The following RSF1 variants were observed in gnomAD, a reference collection of about 807,000 sequenced individuals.
RSF1 encodes remodeling and spacing factor 1.
RSF1 carries 13 observed loss-of-function variants against 145.2 expected under a neutral mutation model. The observed-to-expected ratio is 0.09, with a 90% confidence interval of 0.06 to 0.14. The LOEUF is 0.14. Among genes scored for constraint, RSF1 ranks in the 10% least tolerant of loss-of-function variants. RSF1 has a pLI of 1.00. For missense variants in RSF1, 1,517 were observed against 1,718.2 expected (o/e 0.88, Z 2.07); for synonymous variants, 577 against 592.6 (o/e 0.97, Z 0.38).
chr11:77,805,163 T>C (rs995978499), intron 1 of RSF1, among the ~76,000 whole-genome samples: 6 of 152,200 alleles, frequency 3.9e-5, no homozygotes, highest in Admixed American at 3.9e-4. Flanking sequence ...AACCTTTTTT[T>C]TGCAAATAAA....
At chr11:77,770,883 A>G (rs1266133365) in intron 1 of RSF1, among the ~76,000 whole-genome samples, 2 of 152,192 alleles carry the variant, frequency 1.3e-5, no homozygotes, top group Non-Finnish European at 1.5e-5. Context: ...CAAGGCCTCT[A>G]TAAGATGAAG....
chr11:77,715,578 G>T (rs534366715), intron 5 of RSF1, among the ~76,000 whole-genome samples: 13 of 152,216 alleles, frequency 8.5e-5, no homozygotes, highest in African/African-American at 2.9e-4. Context: ...TTCCCAAGTA[G>T]CTGGGATTAC....
intron 1 of RSF1, among the ~76,000 whole-genome samples, chr11:77,797,007 A>G (rs1156893037): frequency 6.6e-6 from 1 of 152,254 alleles, no homozygotes; most frequent in African/African-American, 2.4e-5. Context: ...AGGCAATAAG[A>G]GAGGACACAA....
At chr11:77,684,551 C>G (rs866330354) in intron 10 of RSF1, among the ~76,000 whole-genome samples, 1 of 152,128 alleles carries the variant, frequency 6.6e-6, no homozygotes, top group South Asian at 2.1e-4. Flanking sequence ...AAAACATACT[C>G]CAAAGGTAAA....
At chr11:77,722,401 C>A (rs776104376) in intron 5 of RSF1, among the ~76,000 whole-genome samples, 1 of 152,038 alleles carries the variant, frequency 6.6e-6, no homozygotes, top group Non-Finnish European at 1.5e-5. Context: ...AAAATATGGT[C>A]CTCTAACCAG....
rs1386128396 is a variant in RSF1, at chr11:77,820,691, C to T, written c.24G>A (p.Ala8=). 6.5e-7 allele frequency: 1 copy of T among 1,550,090 alleles called. No individual in the cohort carries two copies. The highest frequency in any genetic ancestry group is 2.0e-5 in the Admixed American group (1 of 50,668). ...GGCAGCCCGGAGGAGCCATCACCGC[C>T]GCCGCTGCCGCCGCCGTCGCCATTT... MATAAAA[A]AVMAPPGCPG... The change falls in exon 1 of 16, where the codon GCG becomes GCA. Residue 8 remains alanine, a synonymous_variant. Transcript: ENST00000308488.
At chr11:77,671,515 T>C (rs1590820967) in intron 15 of RSF1, among the ~76,000 whole-genome samples, 1 of 152,016 alleles carries the variant, frequency 6.6e-6, no homozygotes, top group Non-Finnish European at 1.5e-5. Flanking sequence ...CTAGTTTCAA[T>C]GAAAATTTAA....
chr11:77,745,764 T>C lies in RSF1; in HGVS notation c.372+1272A>G, dbSNP rs565983637. Among the ~76,000 whole-genome samples, 215 of 151,536 alleles carry C rather than the reference T, an allele frequency of 1.4e-3. 1 individual carries two copies. The highest frequency in any genetic ancestry group is 5.0e-3 in the African/African-American group (205 of 41,288). On this transcript the variant is annotated intron_variant, in intron 3 of 15. Transcript: ENST00000308488. ...TGTTATGTATTTTGTATGATTAGGGTATAAGTCAGATTTCTTCCTATCTCT... is the reference window on the plus strand; with the variant it reads ...TGTTATGTATTTTGTATGATTAGGGCATAAGTCAGATTTCTTCCTATCTCT...
At chr11:77,853,502 T>C in the RSF1 span, among the ~76,000 whole-genome samples, 7 of 152,208 alleles carry the variant, frequency 4.6e-5, no homozygotes, top group Non-Finnish European at 8.8e-5. Flanking sequence ...AGGGGGATAT[T>C]GGCCCCATGA....
intron 4 of RSF1, among the ~76,000 whole-genome samples, chr11:77,732,632 G>A (rs1961235356): frequency 1.3e-5 from 2 of 152,156 alleles, no homozygotes; most frequent in African/African-American, 4.8e-5. Flanking sequence ...GTGAGTGAAT[G>A]AGTCTCACGA....
intron 11 of RSF1, among the ~76,000 whole-genome samples, chr11:77,681,268 G>A (rs1408672831): frequency 1.3e-5 from 2 of 152,018 alleles, no homozygotes; most frequent in African/African-American, 4.8e-5. Flanking sequence ...GGAATTTAGG[G>A]TAAACTATGT....
the RSF1 span, among the ~76,000 whole-genome samples, chr11:77,826,660 G>A: frequency 4.6e-5 from 7 of 152,044 alleles, no homozygotes; most frequent in African/African-American, 1.2e-4. Flanking sequence ...CCCAGCAACC[G>A]AACCTTTGAA....
intron 5 of RSF1, among the ~76,000 whole-genome samples, chr11:77,708,214 G>A (rs1443999287): frequency 6.6e-6 from 1 of 152,136 alleles, no homozygotes; most frequent in Non-Finnish European, 1.5e-5. Context: ...GAGCCCAGGA[G>A]TTTGAGACCA....
intron 1 of RSF1, among the ~76,000 whole-genome samples, chr11:77,769,787 C>T (rs914606500): frequency 4.6e-5 from 7 of 152,228 alleles, no homozygotes; most frequent in Admixed American, 1.3e-4. Context: ...CACCTCATAA[C>T]GGCTAAACAC....
chr11:77,811,934 G>A (rs1948735254), intron 1 of RSF1, among the ~76,000 whole-genome samples: 1 of 152,178 alleles, frequency 6.6e-6, no homozygotes, highest in Non-Finnish European at 1.5e-5. Flanking sequence ...AGCACTTGGG[G>A]AGGCTGAGTC....
upstream of RSF1, chr11:77,821,161 C>T (rs535373455): frequency 1.0e-4 from 40 of 384,142 alleles, 1 homozygote; most frequent in South Asian, 2.8e-3. Flanking sequence ...GAGCGCAGAT[C>T]CCGAAGCAGC....
intron 2 of RSF1, among the ~76,000 whole-genome samples, chr11:77,760,928 T>C (rs1035727467): frequency 1.3e-5 from 2 of 151,988 alleles, no homozygotes; most frequent in Admixed American, 1.3e-4. Context: ...TTTTTTTTTT[T>C]CTGAAACGGA....
At chr11:77,782,891 A>G (rs1948418460) in intron 1 of RSF1, among the ~76,000 whole-genome samples, 1 of 152,232 alleles carries the variant, frequency 6.6e-6, no homozygotes, top group South Asian at 2.1e-4. Context: ...GGCTAACCCC[A>G]AACTAAAATT....
At chr11:77,779,822 G>T (rs1948385242) in intron 1 of RSF1, among the ~76,000 whole-genome samples, 2 of 152,192 alleles carry the variant, frequency 1.3e-5, no homozygotes, top group South Asian at 4.1e-4. Context: ...CCAGAGTAAT[G>T]AGTTGCCAGT....
Sources: allele counts gnomAD v4.1 joint callset (sites outside exome capture counted in the v4.1 genomes callset), GRCh38; gene constraint gnomAD v4.1.1; transcripts MANE v1.5; gene names NCBI Gene and HGNC (gene_info 2026-07-23, HGNC 2026-07-21).